Variants in IGSF10 observed in about 807,000 individuals in gnomAD.
The protein encoded by IGSF10 is calvaria mechanical force protein 608.
In IGSF10, 126 loss-of-function variants were observed where a neutral mutation model predicts 128.2. The ratio of observed to expected loss-of-function variants is 0.98; its 90% CI spans 0.85 to 1.14. IGSF10 has a LOEUF of 1.14. Ranked by LOEUF, IGSF10 falls within the 50% of genes most tolerant of loss-of-function variation. The pLI is 0.00. For synonymous variants in IGSF10, 1,185 were observed against 1,146.2 expected (o/e 1.03, Z -0.68); for missense variants, 3,295 against 3,149.8 (o/e 1.05, Z -1.10).
chr3:151,551,140 G>A, the IGSF10 span, among the ~76,000 whole-genome samples: 2 of 152,126 alleles, frequency 1.3e-5, no homozygotes, highest in African/African-American at 4.8e-5. Flanking sequence ...GTGAAGAGTG[G>A]TTTCTTGGCT....
chr3:151,484,197 G>T, the IGSF10 span, among the ~76,000 whole-genome samples: 1 of 152,192 alleles, frequency 6.6e-6, no homozygotes, highest in East Asian at 1.9e-4. Flanking sequence ...GTTTGAACTG[G>T]GCAGAGCCCA....
rs1383726030 is a variant in IGSF10 at position 151,436,497 on chromosome 3, G to A, written c.*192C>T. 2.2e-6 allele frequency: 1 copy of A among 462,934 alleles called. No homozygotes were observed. Among genetic ancestry groups the A allele is most frequent in the Non-Finnish European group, 3.7e-6 (1 of 266,688 alleles). 28.7% of individuals were successfully genotyped at this position (462,934 alleles called of 1,614,324 possible). On this transcript the variant is annotated 3_prime_UTR_variant, in exon 8 of 8. Transcript: ENST00000282466. ...GTGCCTTAAGTTAAAAGTTTGTTTT[G>A]AGATCCATTAAATAAATCAGTATCA...
chr3:151,514,886 A>G, the IGSF10 span, among the ~76,000 whole-genome samples: 1 of 152,246 alleles, frequency 6.6e-6, no homozygotes, highest in Non-Finnish European at 1.5e-5. Context: ...ATCATTGGCC[A>G]TCAGAGAAAT....
chr3:151,611,481 T>G, the IGSF10 span, among the ~76,000 whole-genome samples: 1 of 152,330 alleles, frequency 6.6e-6, no homozygotes, highest in Middle Eastern at 3.4e-3. Flanking sequence ...TCCTTGATTT[T>G]CTTTCTGTAA....
chr3:151,464,972 C>T (rs1188741641), upstream of IGSF10, among the ~76,000 whole-genome samples: 2 of 152,130 alleles, frequency 1.3e-5, no homozygotes, highest in African/African-American at 4.8e-5. Context: ...TTCAGAACAC[C>T]ATGTATGGGT....
At chr3:151,525,293 A>G in the IGSF10 span, among the ~76,000 whole-genome samples, 19 of 152,160 alleles carry the variant, frequency 1.2e-4, no homozygotes, top group African/African-American at 4.6e-4. Context: ...GCTATATTAC[A>G]GAATATGCAT....
At chr3:151,481,634 C>G in the IGSF10 span, among the ~76,000 whole-genome samples, 1 of 152,112 alleles carries the variant, frequency 6.6e-6, no homozygotes, top group African/African-American at 2.4e-5. Context: ...AGTGAACATG[C>G]ACCTTAAATC....
At chr3:151,484,405 G>A in the IGSF10 span, among the ~76,000 whole-genome samples, 1 of 152,284 alleles carries the variant, frequency 6.6e-6, no homozygotes, top group East Asian at 1.9e-4. Context: ...CCTGACTGAT[G>A]GCTCTGAGAG....
the IGSF10 span, among the ~76,000 whole-genome samples, chr3:151,550,299 T>C: frequency 1.3e-5 from 2 of 152,242 alleles, no homozygotes; most frequent in Non-Finnish European, 2.9e-5. Flanking sequence ...TGGTCAAACA[T>C]TTGAATTTTT....
the IGSF10 span, among the ~76,000 whole-genome samples, chr3:151,564,842 TGGTTG>T: frequency 0.48 from 73,282 of 151,310 alleles, 17,849 homozygotes; most frequent in South Asian, 0.58. Context: ...CATATACAAG[TGGTTG>T]TAAATAAATA....
At chr3:151,540,066 G>A in the IGSF10 span, among the ~76,000 whole-genome samples, 3,781 of 152,112 alleles carry the variant, frequency 0.025, 53 homozygotes, top group East Asian at 0.081. Flanking sequence ...TTTCTAAATC[G>A]ATGAACAAAT....
At chr3:151,569,721 T>A in the IGSF10 span, among the ~76,000 whole-genome samples, 1 of 152,108 alleles carries the variant, frequency 6.6e-6, no homozygotes, top group Non-Finnish European at 1.5e-5. Context: ...CATGGCATTA[T>A]AACTATTTTT....
chr3:151,453,319 A>T, intron 5 of IGSF10, 65 bp downstream of exon 5: 3 of 1,317,010 alleles, frequency 2.3e-6, no homozygotes, highest in Non-Finnish European at 3.1e-6. Context: ...TCCACTTCCT[A>T]ATATAATACC....
downstream of IGSF10, chr3:151,435,831 A>G (rs985841111): frequency 6.6e-6 from 1 of 151,986 alleles, no homozygotes; most frequent in African/African-American, 2.4e-5. Context: ...TTCATTATAT[A>G]TAATAGACCT....
chr3:151,574,362 C>T, the IGSF10 span, among the ~76,000 whole-genome samples: 43 of 152,312 alleles, frequency 2.8e-4, no homozygotes, highest in African/African-American at 9.6e-4. Context: ...ACCAATCAAA[C>T]GTAGATTTGG....
chr3:151,537,065 G>T, the IGSF10 span, among the ~76,000 whole-genome samples: 8 of 152,290 alleles, frequency 5.3e-5, no homozygotes, highest in Middle Eastern at 3.4e-3. Flanking sequence ...ATTTGCTTGG[G>T]ATGATTTGCA....
At chr3:151,497,434 TC>T in the IGSF10 span, among the ~76,000 whole-genome samples, 1 of 152,190 alleles carries the variant, frequency 6.6e-6, no homozygotes, top group South Asian at 2.1e-4. Flanking sequence ...AAATAGGGAA[TC>T]CCTTCCCCAT....
chr3:151,587,135 A>G, the IGSF10 span, among the ~76,000 whole-genome samples: 1 of 152,294 alleles, frequency 6.6e-6, no homozygotes, highest in East Asian at 1.9e-4. Context: ...CAATTCATTA[A>G]TTAATTCAAC....
the IGSF10 span, among the ~76,000 whole-genome samples, chr3:151,541,625 GCA>G: frequency 6.6e-6 from 1 of 151,918 alleles, no homozygotes; most frequent in East Asian, 1.9e-4. Context: ...CTCTCTCTCT[GCA>G]TATGTTTTAG....
Sources: allele counts gnomAD v4.1 joint callset (sites outside exome capture counted in the v4.1 genomes callset), GRCh38; gene constraint gnomAD v4.1.1; transcripts MANE v1.5; gene names NCBI Gene and HGNC (gene_info 2026-07-23, HGNC 2026-07-21).